Variants in CASK observed in about 807,000 individuals in gnomAD.
CASK encodes the protein calcium/calmodulin dependent serine protein kinase.
A neutral mutation model predicts 82.9 loss-of-function variants in CASK; 4 were observed. That is an observed-to-expected ratio of 0.05 (90% confidence interval 0.02 to 0.11). The LOEUF (loss-of-function observed/expected upper bound fraction) is 0.11, where lower values mean the gene tolerates loss of function less well. Among genes scored for constraint, CASK ranks in the 10% least tolerant of loss-of-function variants. The pLI, the probability that CASK is intolerant of heterozygous loss-of-function variation, is 1.00. For synonymous variants in CASK, 259 were observed against 253.5 expected (o/e 1.02, Z -0.20); for missense variants, 358 against 720.9 (o/e 0.50, Z 5.76).
rs141364032 is a variant in CASK at position 41,563,040 on chromosome X, C to CAA, written c.1583-1398_1583-1397dup. On this transcript the variant is annotated intron_variant, in intron 16 of 26. Coordinates refer to ENST00000378163, the MANE Select transcript of CASK (RefSeq NM_001367721.1). ...TGGGCGACAGAGCGAGACTCCATCT[C>CAA]AAAAAAAAAAAAAAAAAAAAAAAAA... Among the ~76,000 whole-genome samples the CAA allele has an allele frequency of 1.0e-2, 220 of 22,103 alleles. 10 individuals are homozygous for CAA. Among genetic ancestry groups the CAA allele is most frequent in the Middle Eastern group, 0.077 (1 of 13 alleles). 19.2% of individuals were successfully genotyped at this position (22,103 alleles called of 115,157 possible).
In CASK at chrX:41,519,710, T is replaced by C. The variant is rs1435515714; in HGVS notation, c.*710A>G. 1.8e-5 allele frequency: 2 copies of C among 110,819 alleles called. No individual in the cohort carries two copies. The highest frequency in any genetic ancestry group is 3.8e-5 in the Non-Finnish European group (2 of 53,013). The allele number at this position is 110,819 out of a possible 1,213,427, so 9.1% of individuals were successfully genotyped here. A position where few individuals can be genotyped will look rare whatever the true frequency, so the allele number is the denominator to read the frequency against. Reference sequence around the variant, plus strand: ...ATGTACTTTGCTGTAGATTACAGATTGTTTTGTCCAACACAGACACACCGA... The same window carrying C: ...ATGTACTTTGCTGTAGATTACAGATCGTTTTGTCCAACACAGACACACCGA... On this transcript the variant is annotated 3_prime_UTR_variant, in exon 27 of 27. Coordinates refer to ENST00000378163, the MANE Select transcript of CASK (RefSeq NM_001367721.1).
intron 12 of CASK, among the ~76,000 whole-genome samples, chrX:41,597,111 CTG>C (rs1363773484): frequency 8.9e-6 from 1 of 111,823 alleles, no homozygotes; most frequent in East Asian, 2.8e-4. Flanking sequence ...AAATAGAAAC[CTG>C]TGTTTTGCTC....
intron 1 of CASK, among the ~76,000 whole-genome samples, chrX:41,895,124 AATACACCCAACTTACTCTT>A (rs2072249560): frequency 9.0e-6 from 1 of 111,340 alleles, no homozygotes; most frequent in Admixed American, 9.5e-5. Flanking sequence ...TAGTGCTAGA[AATACACCCAACTTACTCTT>A]ACTTTGCACA....
At chrX:41,740,839 T>C (rs1732898519) in intron 4 of CASK, among the ~76,000 whole-genome samples, 1 of 112,166 alleles carries the variant, frequency 8.9e-6, no homozygotes, top group Non-Finnish European at 1.9e-5. Context: ...GCTCATATAC[T>C]CTTTGCTTGG....
chrX:41,745,446 G>A, intron 4 of CASK, 78 bp downstream of exon 4: 5 of 660,762 alleles, frequency 7.6e-6, no homozygotes, highest in Non-Finnish European at 1.2e-5. Flanking sequence ...CTCTTTATCA[G>A]TTTGTCATGT....
intron 3 of CASK, among the ~76,000 whole-genome samples, chrX:41,761,297 T>G (rs970668164): frequency 9.0e-6 from 1 of 111,112 alleles, no homozygotes; most frequent in African/African-American, 3.3e-5. Context: ...TGTCTTCTGT[T>G]TATCTGCCTC....
intron 1 of CASK, among the ~76,000 whole-genome samples, chrX:41,871,955 T>C (rs1179400037): frequency 8.9e-6 from 1 of 112,148 alleles, no homozygotes; most frequent in Non-Finnish European, 1.9e-5. Flanking sequence ...CTTTTTGAAA[T>C]AGATATTATA....
intron 3 of CASK, among the ~76,000 whole-genome samples, chrX:41,772,470 T>A (rs1223288884): frequency 2.8e-5 from 3 of 108,859 alleles, no homozygotes; most frequent in African/African-American, 1.0e-4. Context: ...ATTACCAGTA[T>A]CAAGAATGAA....
At chrX:41,842,558 T>A (rs1352140180) in intron 2 of CASK, among the ~76,000 whole-genome samples, 5 of 104,049 alleles carry the variant, frequency 4.8e-5, no homozygotes, top group African/African-American at 1.8e-4. Flanking sequence ...AGAGTGAAAC[T>A]CTGTCTCCAG....
chrX:41,626,497 G>A (rs750628809), intron 10 of CASK, 107 bp downstream of exon 10: 3 of 546,491 alleles, frequency 5.5e-6, no homozygotes, highest in South Asian at 4.9e-5. Context: ...CTTAGAATCC[G>A]TTGGAGGATT....
At chrX:41,562,305 A>C (rs1264505239) in intron 16 of CASK, 1 of 112,887 alleles carries the variant, frequency 8.9e-6, no homozygotes, top group African/African-American at 3.2e-5. Flanking sequence ...GAAATGACCA[A>C]GAACCAATGC....
At chrX:41,672,575 T>C (rs2067211037) in intron 5 of CASK, among the ~76,000 whole-genome samples, 1 of 111,604 alleles carries the variant, frequency 9.0e-6, no homozygotes, top group African/African-American at 3.3e-5. Context: ...GCCAACATAA[T>C]AGGTATAAAA....
intron 1 of CASK, among the ~76,000 whole-genome samples, chrX:41,917,852 C>T (rs2072720421): frequency 8.9e-6 from 1 of 111,744 alleles, no homozygotes; most frequent in African/African-American, 3.2e-5. Context: ...ATCAATATTG[C>T]TTCCCCACTC....
At chrX:41,536,250 A>G (rs1226735013) in intron 22 of CASK, among the ~76,000 whole-genome samples, 1 of 110,419 alleles carries the variant, frequency 9.1e-6, no homozygotes, top group African/African-American at 3.3e-5. Context: ...CCTGAGTTAC[A>G]GGCACCTGCC....
rs761251452 is a variant in CASK at position 41,674,521 on chromosome X, T to C, written c.430-2991A>G. On this transcript the variant is annotated intron_variant, in intron 5 of 26. Coordinates refer to ENST00000378163, the MANE Select transcript of CASK (RefSeq NM_001367721.1). ...TGGCTTCCTAAGTTAGAAAATGCCA[T>C]ACGCCAAAATTTTAAATGGAACATA... Among the ~76,000 whole-genome samples, 5 of 111,552 alleles carry C rather than the reference T, an allele frequency of 4.5e-5. No homozygotes were observed. The South Asian group carries it at 1.5e-3, about 34-fold the overall frequency.
chrX:41,912,801 T>TAC (rs2072604563), intron 1 of CASK, among the ~76,000 whole-genome samples: 3 of 103,246 alleles, frequency 2.9e-5, no homozygotes, highest in African/African-American at 1.0e-4. Context: ...TATATATATA[T>TAC]ATATATAAAA....
intron 10 of CASK, among the ~76,000 whole-genome samples, chrX:41,625,494 CTTAATTT>C (rs1285299379): frequency 9.1e-6 from 1 of 110,001 alleles, no homozygotes; most frequent in Non-Finnish European, 1.9e-5. Flanking sequence ...CCTTTTATCT[CTTAATTT>C]TTAAGAGGCG....
chrX:41,672,553 T>C (rs2067210795), intron 5 of CASK, among the ~76,000 whole-genome samples: 1 of 111,788 alleles, frequency 8.9e-6, no homozygotes. Flanking sequence ...ACACAGTTTT[T>C]GTTCAGTTTT....
At chrX:41,591,417 A>G (rs1164305261) in intron 12 of CASK, among the ~76,000 whole-genome samples, 3 of 112,310 alleles carry the variant, frequency 2.7e-5, no homozygotes, top group Non-Finnish European at 5.6e-5. Flanking sequence ...TGCAAGATGA[A>G]TAAGTTCTAG....
Sources: gnomAD v4.1 joint callset for allele counts (sites outside exome capture counted in the v4.1 genomes callset) on GRCh38, gnomAD v4.1.1 for gene constraint, MANE v1.5 for transcripts, NCBI Gene and HGNC (gene_info 2026-07-23, HGNC 2026-07-21) for gene names.